Variants in CCNH observed in about 807,000 individuals in gnomAD.
CCNH encodes cyclin-H.
In CCNH, 31 loss-of-function variants were observed where a neutral mutation model predicts 41.9. The ratio of observed to expected loss-of-function variants is 0.74; its 90% CI spans 0.56 to 1.00. The LOEUF (loss-of-function observed/expected upper bound fraction) is 1.00. Among genes scored for constraint, CCNH ranks in the 50% least tolerant of loss-of-function variants. The pLI is 0.00. For synonymous variants in CCNH, 138 were observed against 136.1 expected, an observed-to-expected ratio of 1.01 and a Z score of -0.10; for missense variants, 362 against 388.4, an observed-to-expected ratio of 0.93 and a Z score of 0.57.
chr5:87,385,491 T>C, intron 9 of CCNH: 1 of 870,816 alleles, frequency 1.1e-6, no homozygotes, highest in Admixed American at 2.1e-5. Flanking sequence ...GTGAAATTTT[T>C]AGCGATGAAA....
chr5:87,317,258 G>A (rs13186304), downstream of CCNH, among the ~76,000 whole-genome samples: 1,848 of 152,144 alleles, frequency 0.012, 25 homozygotes, highest in Middle Eastern at 0.044. Flanking sequence ...TTGTTTGTGC[G>A]TTCCAGACTT....
intron 3 of CCNH, 188 bp downstream of exon 3, chr5:87,409,102 A>C (rs1417187225): frequency 2.6e-6 from 1 of 380,160 alleles, no homozygotes; most frequent in Admixed American, 4.6e-5. Context: ...AGAATTACTG[A>C]AGTACAGGTA....
downstream of CCNH, among the ~76,000 whole-genome samples, chr5:87,372,951 A>G (rs1761056422): frequency 6.6e-6 from 1 of 152,206 alleles, no homozygotes; most frequent in South Asian, 2.1e-4. Flanking sequence ...CCTGTAACCC[A>G]AAGTCTGGCT....
At chr5:87,345,348 A>G (rs541670031) in intron 9 of CCNH, among the ~76,000 whole-genome samples, 1 of 152,110 alleles carries the variant, frequency 6.6e-6, no homozygotes, top group Non-Finnish European at 1.5e-5. Context: ...TCACTTTTTT[A>G]CCCTTCTTTT....
At chr5:87,405,596 A>C (rs187350592) in intron 4 of CCNH, among the ~76,000 whole-genome samples, 2 of 152,142 alleles carry the variant, frequency 1.3e-5, no homozygotes, top group Admixed American at 1.3e-4. Context: ...AAATATTCAG[A>C]GTCAATTATG....
rs1437906177 is a variant in CCNH at position 87,363,373 on chromosome 5, A to G, written c.*90+29397T>C. On this transcript the variant is annotated intron_variant and NMD_transcript_variant, in intron 9 of 9. Coordinates refer to the CCNH transcript ENST00000645953. Reference sequence around the variant, plus strand: ...GCAAAGGAAAACGTTGGAAAAATTTATATTTTATCTTAGAGGGTAGTGATG... The same window carrying G: ...GCAAAGGAAAACGTTGGAAAAATTTGTATTTTATCTTAGAGGGTAGTGATG... The G allele has an allele frequency of 1.9e-6, 3 of 1,610,650 alleles. No homozygotes were observed. The highest frequency in any genetic ancestry group is 8.5e-7 in the Non-Finnish European group (1 of 1,177,608).
intron 9 of CCNH, among the ~76,000 whole-genome samples, chr5:87,328,708 T>G (rs1757406406): frequency 6.6e-6 from 1 of 152,178 alleles, no homozygotes; most frequent in African/African-American, 2.4e-5. Flanking sequence ...GACAGCCACC[T>G]TAGGGACTCT....
upstream of CCNH, among the ~76,000 whole-genome samples, chr5:87,377,496 A>T (rs747903976): frequency 2.6e-5 from 4 of 151,956 alleles, no homozygotes; most frequent in Non-Finnish European, 5.9e-5. Context: ...ACACCCAGCT[A>T]ATTTTTTATT....
At chr5:87,372,065 G>T, downstream of CCNH, 2 of 1,468,018 alleles carry the variant, frequency 1.4e-6, no homozygotes, top group Non-Finnish European at 1.9e-6. Context: ...CTGATGATTT[G>T]GAAGCCAAAT....
chr5:87,347,891 CTTTTG>C (rs1455881657), intron 9 of CCNH, among the ~76,000 whole-genome samples: 1 of 151,892 alleles, frequency 6.6e-6, no homozygotes. Flanking sequence ...ACTTGAGGTA[CTTTTG>C]TTTTAAGTCA....
intron 9 of CCNH, among the ~76,000 whole-genome samples, chr5:87,336,584 C>CT (rs1413821285): frequency 6.6e-6 from 1 of 152,024 alleles, no homozygotes; most frequent in Admixed American, 6.5e-5. Context: ...GATTGTATTA[C>CT]TACTAACAAG....
chr5:87,392,039 G>GTATT, downstream of CCNH: 1 of 326,446 alleles, frequency 3.1e-6, no homozygotes, highest in Non-Finnish European at 6.0e-6. Context: ...CTTTAGATTA[G>GTATT]TATTTTTGCT....
intron 9 of CCNH, among the ~76,000 whole-genome samples, chr5:87,319,805 C>T (rs1312389064): frequency 1.3e-5 from 2 of 152,210 alleles, no homozygotes; most frequent in Non-Finnish European, 2.9e-5. Context: ...CTACCACTGG[C>T]TTGAATTTCT....
intron 9 of CCNH, among the ~76,000 whole-genome samples, chr5:87,339,191 T>A (rs1489152085): frequency 6.6e-6 from 1 of 152,144 alleles, no homozygotes; most frequent in African/African-American, 2.4e-5. Flanking sequence ...TTCCTATTAA[T>A]TCTCTTACCT....
intron 1 of CCNH, chr5:87,412,257 A>T: frequency 4.0e-6 from 1 of 252,024 alleles, no homozygotes; most frequent in Non-Finnish European, 6.6e-6. Context: ...GACCACAAAC[A>T]CGTCCACGCA....
At chr5:87,384,785 T>C (rs946942170) in intron 9 of CCNH, among the ~76,000 whole-genome samples, 35 of 152,136 alleles carry the variant, frequency 2.3e-4, no homozygotes, top group African/African-American at 8.2e-4. Context: ...TAAAATATTT[T>C]AAAAGTTTAT....
At chr5:87,354,855 G>T (rs984318153) in intron 9 of CCNH, among the ~76,000 whole-genome samples, 11 of 152,168 alleles carry the variant, frequency 7.2e-5, no homozygotes, top group Non-Finnish European at 1.3e-4. Context: ...CACCCTTATT[G>T]CTGATATAGA....
At chr5:87,372,159 A>T, downstream of CCNH, 14 of 1,613,730 alleles carry the variant, frequency 8.7e-6, no homozygotes, top group Non-Finnish European at 1.2e-5. Flanking sequence ...ATTTACGGAA[A>T]AGTAGTCCAG....
intron 9 of CCNH, among the ~76,000 whole-genome samples, chr5:87,328,275 T>C (rs1757376790): frequency 6.6e-6 from 1 of 152,182 alleles, no homozygotes; most frequent in Admixed American, 6.5e-5. Flanking sequence ...ACCACCAGTA[T>C]GATTCTTATG....
Sources: allele counts gnomAD v4.1 joint callset (sites outside exome capture counted in the v4.1 genomes callset), GRCh38; gene constraint gnomAD v4.1.1; transcripts MANE v1.5; gene names NCBI Gene and HGNC (gene_info 2026-07-23, HGNC 2026-07-21).